Variants in ZNF438 observed in about 807,000 individuals in gnomAD.
ZNF438 encodes zinc finger protein 438.
A neutral mutation model predicts 38.0 loss-of-function variants in ZNF438; 25 were observed. The observed-to-expected ratio is 0.66, with a 90% CI of 0.48 to 0.92. The LOEUF is 0.92. Among genes scored for constraint, ZNF438 ranks in the 40% least tolerant of loss-of-function variants. The pLI is 0.00. For missense variants in ZNF438, 1,007 were observed against 999.6 expected (o/e 1.01, Z -0.10); for synonymous variants, 372 against 364.1 (o/e 1.02, Z -0.25).
At chr10:30,898,396 C>CTTAAAGGAAT (rs2041610444) in intron 3 of ZNF438, among the ~76,000 whole-genome samples, 1 of 152,072 alleles carries the variant, frequency 6.6e-6, no homozygotes, top group Non-Finnish European at 1.5e-5. Context: ...ATTCTGATCT[C>CTTAAAGGAAT]CTTTGCCCTT....
intron 2 of ZNF438, among the ~76,000 whole-genome samples, chr10:30,913,973 T>C (rs192504855): frequency 4.3e-4 from 66 of 152,252 alleles, no homozygotes; most frequent in African/African-American, 1.5e-3. Flanking sequence ...AAATATGTAA[T>C]TTTAATAGGT....
chr10:30,916,711 T>C (rs1450255467), intron 2 of ZNF438, among the ~76,000 whole-genome samples: 6 of 152,194 alleles, frequency 3.9e-5, no homozygotes, highest in Non-Finnish European at 8.8e-5. Context: ...GTGGCACAAT[T>C]TGTGTCTTCT....
chr10:31,010,620 C>T (rs1209807407), intron 1 of ZNF438, among the ~76,000 whole-genome samples: 1 of 152,014 alleles, frequency 6.6e-6, no homozygotes, highest in Non-Finnish European at 1.5e-5. Flanking sequence ...GACACAATGG[C>T]TCATGCCTGT....
At chr10:30,855,241 C>T (rs1344118309) in intron 4 of ZNF438, among the ~76,000 whole-genome samples, 4 of 152,148 alleles carry the variant, frequency 2.6e-5, no homozygotes, top group East Asian at 1.9e-4. Context: ...GCGAGAGCAC[C>T]GATCAGTGTG....
chr10:30,853,476 T>C (rs1333533814), intron 4 of ZNF438, among the ~76,000 whole-genome samples: 2 of 152,200 alleles, frequency 1.3e-5, no homozygotes, highest in Non-Finnish European at 2.9e-5. Flanking sequence ...GTTCTGGGCA[T>C]GCACCTCCTG....
intron 1 of ZNF438, among the ~76,000 whole-genome samples, chr10:30,999,803 T>G: frequency 6.7e-6 from 1 of 150,108 alleles, no homozygotes. Flanking sequence ...AAAGGGGGGG[T>G]TTCCAAAGAA....
chr10:30,848,473 C>T (rs2032806846), intron 5 of ZNF438, 58 bp downstream of exon 6: 2 of 1,536,736 alleles, frequency 1.3e-6, no homozygotes, highest in South Asian at 2.6e-5. Context: ...GAAATCTTCC[C>T]CTCTTCCCCA....
chr10:30,957,504 T>C (rs193049372), intron 1 of ZNF438, among the ~76,000 whole-genome samples: 5 of 152,334 alleles, frequency 3.3e-5, no homozygotes, highest in African/African-American at 4.8e-5. Flanking sequence ...ATTCTAATAG[T>C]TTCATAGTCT....
chr10:30,855,178 G>C (rs2034400840), intron 4 of ZNF438, among the ~76,000 whole-genome samples: 1 of 152,160 alleles, frequency 6.6e-6, no homozygotes, highest in Non-Finnish European at 1.5e-5. Context: ...CAAAGGAAAA[G>C]GAGGCCACTG....
chr10:30,850,318 C>G (rs2033346821), exon 5 of ZNF438: 1 of 1,614,184 alleles, frequency 6.2e-7, no homozygotes, highest in Admixed American at 1.7e-5. Context: ...GACTCTTATT[C>G]TGCAAACCTT....
intron 1 of ZNF438, among the ~76,000 whole-genome samples, chr10:30,966,392 C>T (rs749522113): frequency 9.2e-5 from 14 of 151,820 alleles, no homozygotes; most frequent in African/African-American, 2.2e-4. Context: ...ATCAAGGGGC[C>T]GGGCGTGGTG....
chr10:30,983,691 C>A (rs1239325571), intron 1 of ZNF438, among the ~76,000 whole-genome samples: 1 of 152,070 alleles, frequency 6.6e-6, no homozygotes, highest in Non-Finnish European at 1.5e-5. Flanking sequence ...TTCCTTGAAT[C>A]GTTTTTATGT....
intron 2 of ZNF438, chr10:30,920,741 C>T (rs1291298081): frequency 6.6e-6 from 1 of 152,216 alleles, no homozygotes; most frequent in Non-Finnish European, 1.5e-5. Context: ...CTTCATTTTT[C>T]TCATCTGCTG....
At chr10:30,890,748 T>A (rs1325411203) in intron 3 of ZNF438, among the ~76,000 whole-genome samples, 1 of 152,230 alleles carries the variant, frequency 6.6e-6, no homozygotes, top group Non-Finnish European at 1.5e-5. Context: ...CATGTCCTCT[T>A]CCTCAGAGAC....
At position 30,845,593 on chromosome 10, in the gene ZNF438, T is replaced by C. The variant is rs1294369103; in HGVS notation, c.1875-20A>G. The C allele has an allele frequency of 1.9e-6, 3 of 1,592,378 alleles. No individual in the cohort carries two copies. Among genetic ancestry groups the C allele is most frequent in the Non-Finnish European group, 2.6e-6 (3 of 1,171,070 alleles). Reference sequence around the variant, plus strand: ...TTTTCCCTGAAAAGGCCAATAATAATGAAGATAAGATTTCATGGAAAAATG... The same window carrying C: ...TTTTCCCTGAAAAGGCCAATAATAACGAAGATAAGATTTCATGGAAAAATG... On this transcript the variant is annotated intron_variant, in intron 5 of 5. Coordinates refer to ENST00000413025, the Ensembl canonical transcript of ZNF438.
chr10:30,895,751 A>C (rs1476819542), intron 3 of ZNF438, among the ~76,000 whole-genome samples: 1 of 152,218 alleles, frequency 6.6e-6, no homozygotes, highest in Non-Finnish European at 1.5e-5. Context: ...GCATATTAAA[A>C]GATGATCACT....
rs1345852021 is a variant in ZNF438, at chr10:30,941,473, G to A, written c.-115+102C>T. Reference sequence around the variant, plus strand: ...AATATACAAGGTGACTAGAAGATATGCTGAGAAATTTGAGAGTTGAGATGT... The same window carrying A: ...AATATACAAGGTGACTAGAAGATATACTGAGAAATTTGAGAGTTGAGATGT... On this transcript the variant is annotated intron_variant, in intron 2 of 5. Coordinates refer to ENST00000413025, the Ensembl canonical transcript of ZNF438. The A allele has an allele frequency of 3.3e-5, 5 of 152,152 alleles. No individual in the cohort carries two copies. In the East Asian group the frequency reaches 9.6e-4, roughly 29 times the overall value. The allele number at this position is 152,152 out of a possible 1,614,324, so 9.4% of individuals were successfully genotyped here.
intron 2 of ZNF438, among the ~76,000 whole-genome samples, chr10:30,936,822 G>A (rs2046308790): frequency 6.6e-6 from 1 of 152,158 alleles, no homozygotes; most frequent in South Asian, 2.1e-4. Flanking sequence ...ATTTTATGAT[G>A]TTGAGCTTTT....
intron 2 of ZNF438, among the ~76,000 whole-genome samples, chr10:30,930,796 ACT>A (rs2045570472): frequency 8.2e-6 from 1 of 121,698 alleles, no homozygotes; most frequent in African/African-American, 3.2e-5. Flanking sequence ...ACAGAGAGAA[ACT>A]CAGTCAAAAA....
Sources: allele counts gnomAD v4.1 joint callset (sites outside exome capture counted in the v4.1 genomes callset), GRCh38; gene constraint gnomAD v4.1.1; transcripts MANE v1.5; gene names NCBI Gene and HGNC (gene_info 2026-07-23, HGNC 2026-07-21).